The following HS6ST2 variants were observed in gnomAD, a reference collection of about 807,000 sequenced individuals.
HS6ST2 encodes heparan sulfate 6-O-sulfotransferase 2, also known as heparan-sulfate 6-O-sulfotransferase 2.
A neutral mutation model predicts 33.0 loss-of-function variants in HS6ST2; 17 were observed. The ratio of observed to expected loss-of-function variants is 0.52; its 90% CI spans 0.35 to 0.77. The LOEUF is 0.77. Among genes scored for constraint, HS6ST2 ranks in the 30% least tolerant of loss-of-function variants. The probability of loss-of-function intolerance (pLI) is 0.01; values close to 1 mark genes in which losing one functional copy is unlikely to be tolerated. For synonymous variants in HS6ST2, 248 were observed against 237.1 expected, an observed-to-expected ratio of 1.05 and a Z score of -0.42; for missense variants, 519 against 551.7, an observed-to-expected ratio of 0.94 and a Z score of 0.59.
intron 3 of HS6ST2, among the ~76,000 whole-genome samples, chrX:132,699,388 G>A (rs527484925): frequency 8.9e-6 from 1 of 111,883 alleles, no homozygotes; most frequent in Middle Eastern, 4.6e-3. Flanking sequence ...CACTGAATCT[G>A]CTCATATAGA....
intron 2 of HS6ST2, among the ~76,000 whole-genome samples, chrX:132,820,973 G>C (rs754973923): frequency 9.1e-6 from 1 of 110,251 alleles, no homozygotes; most frequent in Non-Finnish European, 1.9e-5. Flanking sequence ...CTTGTTTTTG[G>C]CATCAGTTCC....
intron 2 of HS6ST2, among the ~76,000 whole-genome samples, chrX:132,924,959 T>C (rs1038090779): frequency 9.0e-6 from 1 of 111,330 alleles, no homozygotes; most frequent in Admixed American, 9.6e-5. Flanking sequence ...CGTGCGCCTG[T>C]GGTCCCAGCT....
At chrX:132,808,178 G>C (rs778493537) in intron 2 of HS6ST2, among the ~76,000 whole-genome samples, 7 of 111,271 alleles carry the variant, frequency 6.3e-5, no homozygotes, top group East Asian at 2.8e-4. Flanking sequence ...AAACAAGAGA[G>C]ATATACAAAA....
Position 132,794,571 on chromosome X carries a change from G to GATTATT in HS6ST2, c.948-86078_948-86077insAATAAT, listed in dbSNP as rs780917977. ...ACCACTCCTGGATGATGATGATGAT[G>GATTATT]ATGATTATTATTATTATTATTATTA... On this transcript the variant is annotated intron_variant, in intron 2 of 4. Coordinates refer to ENST00000370833, the MANE Select transcript of HS6ST2 (RefSeq NM_001394073.1). 8.5e-3 allele frequency among the ~76,000 whole-genome samples: 845 copies of GATTATT among 98,831 alleles called. 11 individuals are homozygous for GATTATT. Among genetic ancestry groups the GATTATT allele is most frequent in the African/African-American group, 0.028 (694 of 24,997 alleles). The allele number at this position is 98,831 out of a possible 115,157, so 85.8% of individuals were successfully genotyped here. A position where few individuals can be genotyped will look rare whatever the true frequency, so the allele number is the denominator to read the frequency against.
At chrX:132,788,033 A>C (rs930014140) in intron 2 of HS6ST2, among the ~76,000 whole-genome samples, 2 of 111,577 alleles carry the variant, frequency 1.8e-5, no homozygotes, top group African/African-American at 6.5e-5. Flanking sequence ...ATAACCTTTG[A>C]AGTCTCAGTG....
intron 2 of HS6ST2, among the ~76,000 whole-genome samples, chrX:132,724,485 C>T (rs5975349): frequency 9.0e-6 from 1 of 111,586 alleles, no homozygotes; most frequent in African/African-American, 3.3e-5. Flanking sequence ...CTATGAAACA[C>T]TGATGAAGGA....
At chrX:132,671,054 G>A (rs1162598690) in intron 3 of HS6ST2, among the ~76,000 whole-genome samples, 2 of 112,258 alleles carry the variant, frequency 1.8e-5, no homozygotes, top group African/African-American at 6.5e-5. Flanking sequence ...CACATTCTGA[G>A]TGGGGACTGA....
intron 2 of HS6ST2, among the ~76,000 whole-genome samples, chrX:132,806,430 G>C (rs909517151): frequency 9.1e-6 from 1 of 109,697 alleles, no homozygotes; most frequent in Non-Finnish European, 1.9e-5. Context: ...CGCAGTCAGA[G>C]TTTTGGAATA....
intron 2 of HS6ST2, among the ~76,000 whole-genome samples, chrX:132,818,530 G>C (rs904306940): frequency 9.0e-6 from 1 of 110,892 alleles, no homozygotes; most frequent in Non-Finnish European, 1.9e-5. Context: ...TTCTGCACTA[G>C]GATTAAAAAA....
chrX:132,902,782 A>C (rs1444466240), intron 2 of HS6ST2, among the ~76,000 whole-genome samples: 3 of 111,990 alleles, frequency 2.7e-5, no homozygotes, highest in African/African-American at 9.7e-5. Context: ...TAGCTTAAAG[A>C]AAAAAGGAGA....
At chrX:132,678,771 A>G (rs2063944235) in intron 3 of HS6ST2, among the ~76,000 whole-genome samples, 1 of 112,414 alleles carries the variant, frequency 8.9e-6, no homozygotes, top group Non-Finnish European at 1.9e-5. Context: ...GTGCATGAAA[A>G]CAGAAGACTA....
intron 4 of HS6ST2, chrX:132,668,142 A>G (rs1326767380): frequency 5.3e-5 from 6 of 112,316 alleles, no homozygotes; most frequent in African/African-American, 1.9e-4. Context: ...TTTACGGTCC[A>G]ATGCTGAATA....
chrX:132,886,589 C>A (rs907313882), intron 2 of HS6ST2, among the ~76,000 whole-genome samples: 2 of 110,115 alleles, frequency 1.8e-5, no homozygotes, highest in African/African-American at 6.6e-5. Context: ...ATCAAAGAAT[C>A]CCAAGTAGGA....
At chrX:132,859,400 G>T (rs2065886225) in intron 2 of HS6ST2, among the ~76,000 whole-genome samples, 1 of 111,089 alleles carries the variant, frequency 9.0e-6, no homozygotes, top group Non-Finnish European at 1.9e-5. Flanking sequence ...AGCATTAAAG[G>T]TGAGGAAAAG....
At chrX:132,957,433 C>G in intron 1 of HS6ST2, 107 bp from the exon 2 acceptor site, 2 of 875,272 alleles carry the variant, frequency 2.3e-6, no homozygotes, top group Non-Finnish European at 3.1e-6. Flanking sequence ...CCCTCTCCCC[C>G]TCCCCTCCGC....
chrX:132,816,403 A>G (rs1451425790), intron 2 of HS6ST2, among the ~76,000 whole-genome samples: 1 of 112,235 alleles, frequency 8.9e-6, no homozygotes, highest in Non-Finnish European at 1.9e-5. Flanking sequence ...CAAAGGTTAT[A>G]AATTGCTCTG....
intron 2 of HS6ST2, among the ~76,000 whole-genome samples, chrX:132,733,960 T>G (rs745955702): frequency 9.5e-6 from 1 of 105,174 alleles, no homozygotes; most frequent in African/African-American, 3.5e-5. Context: ...GTCTATGAAC[T>G]TTACCTATAT....
intron 2 of HS6ST2, among the ~76,000 whole-genome samples, chrX:132,823,007 C>T (rs1358136944): frequency 8.9e-6 from 1 of 112,471 alleles, no homozygotes; most frequent in Non-Finnish European, 1.9e-5. Flanking sequence ...ACATGGACTA[C>T]GAAATAAAGG....
chrX:132,806,587 A>C (rs773697154), intron 2 of HS6ST2, among the ~76,000 whole-genome samples: 1 of 110,068 alleles, frequency 9.1e-6, no homozygotes, highest in East Asian at 2.8e-4. Flanking sequence ...CAACCACTCA[A>C]CTCTGCTATG....
Sources: allele counts gnomAD v4.1 joint callset (sites outside exome capture counted in the v4.1 genomes callset), GRCh38; gene constraint gnomAD v4.1.1; transcripts MANE v1.5; gene names NCBI Gene and HGNC (gene_info 2026-07-23, HGNC 2026-07-21).